Variants in NOXRED1 observed in about 807,000 individuals in gnomAD.
NOXRED1 encodes NADP dependent oxidoreductase domain containing 1.
Under a neutral mutation model 30.4 loss-of-function variants are expected in NOXRED1, and 20 were observed. The observed-to-expected ratio is 0.66, with a 90% CI of 0.46 to 0.96. NOXRED1 has a LOEUF of 0.96. Among genes scored for constraint, NOXRED1 ranks in the 40% least tolerant of loss-of-function variants. The pLI is 0.00. For synonymous variants in NOXRED1, 155 were observed against 168.0 expected, an observed-to-expected ratio of 0.92 and a Z score of 0.60; for missense variants, 374 against 428.0, an observed-to-expected ratio of 0.87 and a Z score of 1.11.
At chr14:77,406,299 C>T (rs1433017194) in intron 4 of NOXRED1, 164 bp from the exon 5 acceptor site, 1 of 613,646 alleles carries the variant, frequency 1.6e-6, no homozygotes, top group Non-Finnish European at 2.9e-6. Context: ...ACAAGTGCTA[C>T]TTGTGCCCTT....
chr14:77,417,558 C>T (rs951472870), intron 1 of NOXRED1, among the ~76,000 whole-genome samples: 1 of 152,188 alleles, frequency 6.6e-6, no homozygotes, highest in Admixed American at 6.5e-5. Context: ...TGACTTAAAA[C>T]CTATTTTGTC....
chr14:77,407,667 A>T (rs376693539), intron 2 of NOXRED1, 22 bp from the exon 3 acceptor site: 1 of 1,589,068 alleles, frequency 6.3e-7, no homozygotes, highest in Non-Finnish European at 8.6e-7. Context: ...AAAGGAAGAC[A>T]GGAAGAGCAC....
At chr14:77,419,753 G>GT (rs978342396) in intron 1 of NOXRED1, among the ~76,000 whole-genome samples, 40 of 150,066 alleles carry the variant, frequency 2.7e-4, no homozygotes, top group African/African-American at 6.3e-4. Context: ...TGACCAACAG[G>GT]TTTTTTTTTT....
At chr14:77,420,021 TG>T (rs1036947026) in intron 1 of NOXRED1, among the ~76,000 whole-genome samples, 2 of 152,198 alleles carry the variant, frequency 1.3e-5, no homozygotes, top group Non-Finnish European at 2.9e-5. Flanking sequence ...TCCTCAGATC[TG>T]GGATGTTTTT....
At chr14:77,421,443 C>T (rs377707431) in intron 1 of NOXRED1, among the ~76,000 whole-genome samples, 50 of 152,278 alleles carry the variant, frequency 3.3e-4, no homozygotes, top group African/African-American at 1.1e-3. Context: ...TCCTTTCCTA[C>T]GATACACCCA....
intron 1 of NOXRED1, 44 bp from the exon 2 acceptor site, chr14:77,414,171 A>C (rs373936392): frequency 5.1e-6 from 6 of 1,177,644 alleles, no homozygotes; most frequent in Non-Finnish European, 4.7e-6. Context: ...ACATGCACAC[A>C]CTAGTTTTTC....
rs1043273299 is a variant in NOXRED1, at chr14:77,423,018, A to G, written c.-129T>C. 2 of 720,670 alleles carry G rather than the reference A, an allele frequency of 2.8e-6. No homozygotes were observed. The highest frequency in any genetic ancestry group is 1.8e-5 in the South Asian group (1 of 55,748). 44.6% of individuals were successfully genotyped at this position (720,670 alleles called of 1,614,324 possible). ...GCCCAGGTCACAAGCACTCATGATG[A>G]TGGGCTTCAGCACCTCTCTACTCCC... On this transcript the variant is annotated 5_prime_UTR_variant, in exon 1 of 6. Transcript: ENST00000380835.
At chr14:77,409,895 C>A (rs1894598208) in intron 2 of NOXRED1, among the ~76,000 whole-genome samples, 1 of 151,188 alleles carries the variant, frequency 6.6e-6, no homozygotes, top group African/African-American at 2.4e-5. Flanking sequence ...GCAACTTCTG[C>A]CTCCTGGGTT....
chr14:77,414,044 C>A lies in NOXRED1; in HGVS notation c.239G>T (p.Gly80Val), dbSNP rs764825088. 2 of 1,611,764 alleles carry A rather than the reference C, an allele frequency of 1.2e-6. No individual in the cohort carries two copies. Among genetic ancestry groups the A allele is most frequent in the Non-Finnish European group, 1.7e-6 (2 of 1,178,186 alleles). ...NSATPEEFKV[G>V]IIGGGHLGKQ... The stretch of plus-strand genomic sequence containing the variant: ...CCCAAGGTGGCCACCTCCAATGATG[C>A]CCACCTTAAACTCTTCAGGAGTGGC... The change falls in exon 2 of 6, where the codon GGC (glycine) becomes GTC (valine). Residue 80 changes from glycine to valine, a missense_variant. Transcript: ENST00000380835.
At chr14:77,395,169 G>A (rs1370957349) in intron 5 of NOXRED1, among the ~76,000 whole-genome samples, 2 of 148,038 alleles carry the variant, frequency 1.4e-5, no homozygotes, top group African/African-American at 2.5e-5. Flanking sequence ...GCAGTGGCGC[G>A]ATCTCGGCTC....
intron 1 of NOXRED1, among the ~76,000 whole-genome samples, chr14:77,416,251 G>C (rs1894817655): frequency 6.6e-6 from 1 of 152,126 alleles, no homozygotes; most frequent in Non-Finnish European, 1.5e-5. Flanking sequence ...TGCATCTGTA[G>C]ACAGCAATCT....
chr14:77,395,402 G>A (rs1025966416), intron 5 of NOXRED1, among the ~76,000 whole-genome samples: 6 of 151,520 alleles, frequency 4.0e-5, no homozygotes, highest in African/African-American at 4.8e-5. Flanking sequence ...CACTGCGCCC[G>A]GCTGCAGAAT....
intron 1 of NOXRED1, among the ~76,000 whole-genome samples, chr14:77,418,678 T>A (rs2139700047): frequency 6.6e-6 from 1 of 151,848 alleles, no homozygotes; most frequent in Admixed American, 6.6e-5. Flanking sequence ...CACAGGTGTG[T>A]ACCACTATGC....
intron 1 of NOXRED1, among the ~76,000 whole-genome samples, chr14:77,422,218 C>T (rs1895015586): frequency 1.3e-5 from 2 of 152,110 alleles, no homozygotes; most frequent in Admixed American, 1.3e-4. Context: ...TGTCTGAAGC[C>T]ATATTGTAGA....
At chr14:77,407,702 A>G (rs1894516230) in intron 2 of NOXRED1, 57 bp from the exon 3 acceptor site, 2 of 1,188,404 alleles carry the variant, frequency 1.7e-6, no homozygotes, top group South Asian at 2.5e-5. Context: ...TGACCTGAAC[A>G]TCAACTATGG....
At position 77,419,728 on chromosome 14, in the gene NOXRED1, G is replaced by A. The variant is rs145831153; in HGVS notation, c.155+3007C>T. ...CTCCCAAAGTGCTGGGATTACAGGC[G>A]TGAGCCACCACACCTGACCAACAGG... On this transcript the variant is annotated intron_variant, in intron 1 of 5. Coordinates refer to ENST00000380835, the MANE Select transcript of NOXRED1 (RefSeq NM_001113475.3). 8.9e-3 allele frequency among the ~76,000 whole-genome samples: 1,353 copies of A among 151,810 alleles called. 20 individuals are homozygous for A. The highest frequency in any genetic ancestry group is 0.037 in the South Asian group (179 of 4,812).
intron 5 of NOXRED1, among the ~76,000 whole-genome samples, chr14:77,401,981 T>C (rs1481161995): frequency 6.6e-6 from 1 of 152,108 alleles, no homozygotes; most frequent in Admixed American, 6.6e-5. Flanking sequence ...GATATCTACA[T>C]GCAAAAAAGA....
At chr14:77,416,743 T>C (rs1408115672) in intron 1 of NOXRED1, among the ~76,000 whole-genome samples, 12 of 150,744 alleles carry the variant, frequency 8.0e-5, no homozygotes, top group African/African-American at 2.4e-4. Context: ...GGGTGGTGGC[T>C]GGGCAGAGGG....
Position 77,408,892 on chromosome 14 carries a change from A to ATT in NOXRED1, c.350-1249_350-1248dup, listed in dbSNP as rs1177680524. ...GCATAAAAACACTCACTGGTAGTTA[A>ATT]TTTTTTTTTTTTTTTTTTTTGGCTA... On this transcript the variant is annotated intron_variant, in intron 2 of 5. Transcript: ENST00000380835. Among the ~76,000 whole-genome samples the ATT allele has an allele frequency of 1.9e-4, 13 of 68,178 alleles. 3 individuals carry two copies. The South Asian group carries it at 4.7e-3, about 24-fold the overall frequency. 44.7% of individuals were successfully genotyped at this position (68,178 alleles called of 152,430 possible). A position where few individuals can be genotyped will look rare whatever the true frequency, so the allele number is the denominator to read the frequency against.
Sources: allele counts gnomAD v4.1 joint callset (sites outside exome capture counted in the v4.1 genomes callset), GRCh38; gene constraint gnomAD v4.1.1; transcripts MANE v1.5; gene names NCBI Gene and HGNC (gene_info 2026-07-23, HGNC 2026-07-21).